The following KRT80 variants were observed in gnomAD, a reference collection of about 807,000 sequenced individuals.
The protein encoded by KRT80 is keratin, type II cytoskeletal 80.
A neutral mutation model predicts 51.5 loss-of-function variants in KRT80; 36 were observed. The observed-to-expected ratio is 0.70, with a 90% CI of 0.54 to 0.92. KRT80 has a LOEUF of 0.92. Among genes scored for constraint, KRT80 ranks in the 40% least tolerant of loss-of-function variants. The pLI, the probability that KRT80 is intolerant of heterozygous loss-of-function variation, is 0.00. For missense variants in KRT80, 566 were observed against 591.7 expected, an observed-to-expected ratio of 0.96 and a Z score of 0.45; for synonymous variants, 235 against 248.3, an observed-to-expected ratio of 0.95 and a Z score of 0.50.
At position 52,169,492 on chromosome 12, in the gene KRT80, C is replaced by G. The variant is rs1941048784; in HGVS notation, c.*1906G>C. 1 of 152,518 alleles carries G rather than the reference C, an allele frequency of 6.6e-6. No individual in the cohort carries two copies. The highest frequency in any genetic ancestry group is 2.4e-5 in the African/African-American group (1 of 41,412). The allele number at this position is 152,518 out of a possible 1,614,324, so 9.4% of individuals were successfully genotyped here. A position where few individuals can be genotyped will look rare whatever the true frequency, so the allele number is the denominator to read the frequency against. On this transcript the variant is annotated 3_prime_UTR_variant, in exon 9 of 9. Coordinates refer to ENST00000394815, the MANE Select transcript of KRT80 (RefSeq NM_182507.3). ...CTGATTGACCAGTGGCTGACTGGTC[C>G]TGAGAGGGGAGATAAAAACAGACAC...
chr12:52,182,832 T>C (rs1941345847), intron 2 of KRT80, among the ~76,000 whole-genome samples: 1 of 152,142 alleles, frequency 6.6e-6, no homozygotes, highest in South Asian at 2.1e-4. Context: ...GGGGTGGGAA[T>C]AAGCCCTGAG....
rs1941051255 is a variant in KRT80 at position 52,169,683 on chromosome 12, T to G, written c.*1715A>C. ...CAGAAACAGGAAGGGAAGCAATAAG[T>G]TAAAAGCCACATAAGTTATGAAAAA... On this transcript the variant is annotated 3_prime_UTR_variant, in exon 9 of 9. Transcript: ENST00000394815. 6.6e-6 allele frequency: 1 copy of G among 152,584 alleles called. No homozygotes were observed. Among genetic ancestry groups the G allele is most frequent in the African/African-American group, 2.4e-5 (1 of 41,444 alleles). 9.5% of individuals were successfully genotyped at this position (152,584 alleles called of 1,614,324 possible).
chr12:52,172,446 G>T (rs1202051155), intron 6 of KRT80, 28 bp from the exon 7 acceptor site: 2 of 1,589,842 alleles, frequency 1.3e-6, no homozygotes, highest in South Asian at 1.1e-5. Flanking sequence ...GAGTGAAAGG[G>T]CCTGTGAGCA....
chr12:52,185,738 C>T (rs549489515), intron 1 of KRT80, 151 bp from the exon 2 acceptor site: 666 of 1,451,114 alleles, frequency 4.6e-4, no homozygotes, highest in Non-Finnish European at 5.8e-4. Flanking sequence ...GCAGAAAGCA[C>T]CTCCAATGAC....
intron 4 of KRT80, among the ~76,000 whole-genome samples, chr12:52,175,591 C>T (rs1038777008): frequency 4.6e-5 from 7 of 152,108 alleles, no homozygotes; most frequent in African/African-American, 1.7e-4. Flanking sequence ...GGAACTGACT[C>T]TGCCCACCAG....
At chr12:52,177,625 T>G (rs960959364) in intron 4 of KRT80, among the ~76,000 whole-genome samples, 1 of 144,550 alleles carries the variant, frequency 6.9e-6, no homozygotes, top group African/African-American at 2.7e-5. Context: ...CTTTTCAGAA[T>G]GTATCTTGGC....
In KRT80 at chr12:52,172,403, C is replaced by T. The variant is rs535907186; in HGVS notation, c.973G>A (p.Glu325Lys). The change falls in exon 7 of 9, where the codon GAG (glutamate) becomes AAG (lysine). Residue 325 changes from glutamate (E) to lysine (K), a missense_variant. Transcript: ENST00000394815. The part of the protein sequence containing the change: ...SVKSHCLKLE[E>K]NIKTAEEQGE... ...TGCTCCTCAGCTGTCTTGATGTTCTCCTCCAGTTTCAGGCACTGCAGCCAG... is the reference window on the plus strand; with the variant it reads ...TGCTCCTCAGCTGTCTTGATGTTCTTCTCCAGTTTCAGGCACTGCAGCCAG... 3.7e-6 allele frequency: 6 copies of T among 1,612,644 alleles called. No homozygotes were observed. Among genetic ancestry groups the T allele is most frequent in the East Asian group, 2.2e-5 (1 of 44,842 alleles).
intron 4 of KRT80, among the ~76,000 whole-genome samples, chr12:52,179,650 A>T (rs1366763314): frequency 6.6e-6 from 1 of 152,212 alleles, no homozygotes; most frequent in African/African-American, 2.4e-5. Context: ...GGGCCATTTT[A>T]GCAGAATCTG....
Position 52,185,532 on chromosome 12 carries a change from T to C in KRT80, c.356A>G (p.Gln119Arg). 6.2e-7 allele frequency: 1 copy of C among 1,613,130 alleles called. No individual in the cohort carries two copies. The highest frequency in any genetic ancestry group is 1.1e-5 in the South Asian group (1 of 91,080). ...QLLETRWSFL[Q>R]GQDSAIFDLG... ...GTCGAAGATGGCTGAGTCCTGGCCCTGCAGGAAGCTCCAGCGTGTCTCCAG... is the reference window on the plus strand; with the variant it reads ...GTCGAAGATGGCTGAGTCCTGGCCCCGCAGGAAGCTCCAGCGTGTCTCCAG... The change falls in exon 2 of 9, where the codon CAG becomes CGG. Residue 119 changes from glutamine to arginine, a missense_variant. Physicochemically the swap from Gln to Arg is conservative, Grantham distance 43 (BLOSUM62 1). Coordinates refer to ENST00000394815, the MANE Select transcript of KRT80 (RefSeq NM_182507.3).
chr12:52,185,921 G>A (rs1175629610), intron 1 of KRT80, among the ~76,000 whole-genome samples: 8 of 151,906 alleles, frequency 5.3e-5, no homozygotes, highest in Non-Finnish European at 1.0e-4. Context: ...GCTGGGGCGG[G>A]AGACCCCAGG....
intron 4 of KRT80, 146 bp downstream of exon 4, chr12:52,180,367 T>G: frequency 1.9e-6 from 1 of 513,874 alleles, no homozygotes; most frequent in Non-Finnish European, 3.3e-6. Context: ...AGGAAGGGGT[T>G]TAGGAAATTA....
At chr12:52,181,072 G>T in intron 2 of KRT80, 109 bp from the exon 3 acceptor site, 1 of 721,198 alleles carries the variant, frequency 1.4e-6, no homozygotes, top group Non-Finnish European at 2.1e-6. Context: ...GGGTCTCTTT[G>T]CCAATTAAAG....
chr12:52,174,484 A>T (rs1427090525), intron 4 of KRT80, among the ~76,000 whole-genome samples: 1 of 152,220 alleles, frequency 6.6e-6, no homozygotes, highest in Non-Finnish European at 1.5e-5. Context: ...CATTGCCTGG[A>T]CGACCACAAT....
intron 4 of KRT80, among the ~76,000 whole-genome samples, chr12:52,177,513 C>A (rs375630457): frequency 3.3e-5 from 5 of 152,102 alleles, no homozygotes; most frequent in Admixed American, 6.5e-5. Flanking sequence ...TGTGGGGGAA[C>A]CTTCCAGCCT....
intron 1 of KRT80, among the ~76,000 whole-genome samples, chr12:52,191,215 C>A (rs1399422277): frequency 1.3e-5 from 2 of 152,154 alleles, no homozygotes; most frequent in Non-Finnish European, 2.9e-5. Flanking sequence ...CCTGGGAGGC[C>A]ATCTCCCCTG....
chr12:52,180,656 C>A (rs1410118144), intron 3 of KRT80, 48 bp from the exon 4 acceptor site: 1 of 1,554,026 alleles, frequency 6.4e-7, no homozygotes, highest in East Asian at 2.3e-5. Context: ...ATGGAGGGTC[C>A]CAGGGCAGGA....
At chr12:52,173,459 G>A (rs914784355) in intron 5 of KRT80, 141 bp downstream of exon 5, 6 of 471,962 alleles carry the variant, frequency 1.3e-5, no homozygotes, top group Non-Finnish European at 2.0e-5. Flanking sequence ...CGCCCGCCCC[G>A]TCCCTGTGCT....
intron 4 of KRT80, 105 bp downstream of exon 4, chr12:52,180,408 G>A: frequency 1.5e-6 from 1 of 669,302 alleles, no homozygotes; most frequent in Non-Finnish European, 2.3e-6. Context: ...GTAAGTGACT[G>A]TTGGAGGTTC....
At position 52,191,858 on chromosome 12, in the gene KRT80, G is replaced by C. The variant is rs778587234; in HGVS notation, c.45C>G (p.Ser15Arg). The change falls in exon 1 of 9, where the codon AGC becomes AGG. Residue 15 changes from serine to arginine, a missense_variant. By Grantham distance (110) the Ser-to-Arg change is moderately radical. Coordinates refer to ENST00000394815, the MANE Select transcript of KRT80 (RefSeq NM_182507.3). ...SCVVGFSSLSSCEVTPVGSPR... is the reference protein window; with the variant it reads ...SCVVGFSSLSRCEVTPVGSPR... ...GGCTGCCCACCGGGGTCACCTCACA[G>C]CTGCTGAGGCTGCTGAAGCCAACCA... The C allele has an allele frequency of 5.3e-6, 8 of 1,522,190 alleles. No homozygotes were observed. The South Asian group carries it at 9.9e-5, about 19-fold the overall frequency. 94.3% of individuals were successfully genotyped at this position (1,522,190 alleles called of 1,614,324 possible).
Sources: gnomAD v4.1 joint callset for allele counts (sites outside exome capture counted in the v4.1 genomes callset) on GRCh38, gnomAD v4.1.1 for gene constraint, MANE v1.5 for transcripts, NCBI Gene and HGNC (gene_info 2026-07-23, HGNC 2026-07-21) for gene names.